Variants in ZER1 observed in about 807,000 individuals in gnomAD.
ZER1 encodes the protein zyg-11 related cell cycle regulator.
A neutral mutation model predicts 78.8 loss-of-function variants in ZER1; 11 were observed. The ratio of observed to expected loss-of-function variants is 0.14; its 90% CI spans 0.09 to 0.23. The LOEUF is 0.23. Ranked by LOEUF, ZER1 falls within the 10% of genes least tolerant of loss-of-function variation. The pLI, the probability that ZER1 is intolerant of heterozygous loss-of-function variation, is 1.00. For missense variants in ZER1, 588 were observed against 996.9 expected, an observed-to-expected ratio of 0.59 and a Z score of 5.52; for synonymous variants, 400 against 407.0, an observed-to-expected ratio of 0.98 and a Z score of 0.21.
intron 1 of ZER1, among the ~76,000 whole-genome samples, chr9:128,764,042 A>C (rs1158936119): frequency 1.3e-5 from 2 of 151,992 alleles, no homozygotes; most frequent in Non-Finnish European, 2.9e-5. Context: ...GTCCTAGTTA[A>C]CTCTGGTGGA....
At chr9:128,748,357 G>A (rs1207613533) in intron 8 of ZER1, among the ~76,000 whole-genome samples, 1 of 149,172 alleles carries the variant, frequency 6.7e-6, no homozygotes, top group African/African-American at 2.5e-5. Flanking sequence ...AGCCGAGATC[G>A]TGCCACTTAA....
At chr9:128,768,306 C>T (rs2132496254) in intron 1 of ZER1, among the ~76,000 whole-genome samples, 1 of 152,228 alleles carries the variant, frequency 6.6e-6, no homozygotes, top group South Asian at 2.1e-4. Flanking sequence ...TAGTGGGCCC[C>T]CAAAACGTGT....
At chr9:128,765,745 G>C (rs887004094) in intron 1 of ZER1, among the ~76,000 whole-genome samples, 6 of 152,186 alleles carry the variant, frequency 3.9e-5, no homozygotes, top group Non-Finnish European at 7.3e-5. Context: ...GCAGATCAAG[G>C]GCCAGAGACT....
chr9:128,750,655 C>T lies in ZER1; in HGVS notation c.1320G>A (p.Gln440=). 6.2e-7 allele frequency: 1 copy of T among 1,614,228 alleles called. No homozygotes were observed. Residue 440 remains glutamine, a synonymous_variant, in exon 8 of 16, where the codon CAG becomes CAA. Coordinates refer to ENST00000291900, the MANE Select transcript of ZER1 (RefSeq NM_006336.4). ...QSVKLRRQVI[Q]VVLNGMESYQ... is the part of the protein sequence containing the mutation. ...AGGATTCCATGCCATTCAGCACCAC[C>T]TGGATAACCTGCCGGCGCAGCTTCA...
chr9:128,735,127 T>C (rs1035825683), intron 14 of ZER1, among the ~76,000 whole-genome samples: 1 of 152,238 alleles, frequency 6.6e-6, no homozygotes, highest in Non-Finnish European at 1.5e-5. Context: ...CACAGGTATT[T>C]CGCCTGCCAG....
At chr9:128,743,120 TTTC>T (rs1211853544) in intron 8 of ZER1, among the ~76,000 whole-genome samples, 6 of 150,906 alleles carry the variant, frequency 4.0e-5, no homozygotes, top group South Asian at 4.2e-4. Flanking sequence ...TTTCTTTTTC[TTTC>T]TTTTTTTTTT....
At position 128,751,452 on chromosome 9, in the gene ZER1, C is replaced by T; in HGVS notation, c.999G>A (p.Glu333=). The T allele has an allele frequency of 6.2e-7, 1 of 1,614,136 alleles. No homozygotes were observed. The highest frequency in any genetic ancestry group is 8.5e-7 in the Non-Finnish European group (1 of 1,180,036). Residue 333 remains glutamate (E), a synonymous_variant, in exon 6 of 16, where the codon GAG becomes GAA. Transcript: ENST00000291900. The surrounding 1 kb of genome is among the most constrained non-coding windows in gnomAD (Gnocchi z 5.4). ...TGTGCGTGAGGCGGCACAGAGAGTT[C>T]TCAAAGAGCCCGAGGAACTGCAGCG... ...KRPLQFLGLF[E]NSLCRLTHIP...
chr9:128,736,141 G>A (rs1863070645), intron 13 of ZER1, among the ~76,000 whole-genome samples: 2 of 151,678 alleles, frequency 1.3e-5, no homozygotes, highest in South Asian at 2.1e-4. Flanking sequence ...TAGTAGAGAC[G>A]GGGTTTCACC....
chr9:128,770,457 G>A (rs1281758177), intron 1 of ZER1, among the ~76,000 whole-genome samples: 1 of 152,064 alleles, frequency 6.6e-6, no homozygotes, highest in African/African-American at 2.4e-5. Flanking sequence ...ATGACCACAG[G>A]ACCTTTGCAT....
chr9:128,736,393 CTTTG>C (rs1347904807), intron 13 of ZER1, among the ~76,000 whole-genome samples: 2 of 132,750 alleles, frequency 1.5e-5, no homozygotes, highest in African/African-American at 5.6e-5. Context: ...GCCCTTTTTT[CTTTG>C]TTTTTTTTTT....
rs922816558 is a variant in ZER1 at position 128,740,318 on chromosome 9, G to A, written c.1854-199C>T. 7.9e-5 allele frequency among the ~76,000 whole-genome samples: 12 copies of A among 152,164 alleles called. No individual in the cohort carries two copies. The highest frequency in any genetic ancestry group is 1.3e-4 in the Admixed American group (2 of 15,262). ...TTACAGGCTGGGCGCAGTGGCTCAC[G>A]CCTGTAATCCCAGCACTTTGGGAGG... On this transcript the variant is annotated intron_variant, in intron 12 of 15. Transcript: ENST00000291900. This position sits in a 1 kb window ranked among gnomAD's most constrained non-coding sequence, Gnocchi z 4.4.
rs35174986 is a variant in ZER1, at chr9:128,743,893, CTTTTT to C, written c.1360-1153_1360-1149del. ...TTACAGGCGCCTCCAATGGCCCCTG[CTTTTT>C]TTTTTTTTTTTTTTTTTTGAGATGG... On this transcript the variant is annotated intron_variant, in intron 8 of 15. Coordinates refer to ENST00000291900, the MANE Select transcript of ZER1 (RefSeq NM_006336.4). Among the ~76,000 whole-genome samples, 6 of 38,506 alleles carry C rather than the reference CTTTTT, an allele frequency of 1.6e-4. No homozygotes were observed. The East Asian group carries it at 3.4e-3, about 22-fold the overall frequency. 25.3% of individuals were successfully genotyped at this position (38,506 alleles called of 152,430 possible).
chr9:128,749,912 G>A (rs569939167), intron 8 of ZER1, among the ~76,000 whole-genome samples: 28 of 151,606 alleles, frequency 1.8e-4, no homozygotes, highest in Non-Finnish European at 2.5e-4. Context: ...GCATGGTGGC[G>A]CATGCCTGTA....
At position 128,738,211 on chromosome 9, in the gene ZER1, A is replaced by AT. The variant is rs1276837367; in HGVS notation, c.2042+1719dup. Among the ~76,000 whole-genome samples the AT allele has an allele frequency of 2.1e-5, 3 of 139,892 alleles. No individual in the cohort carries two copies. The East Asian group carries it at 6.5e-4, about 30-fold the overall frequency. The allele number at this position is 139,892 out of a possible 152,430, so 91.8% of individuals were successfully genotyped here. On this transcript the variant is annotated intron_variant, in intron 13 of 15. Transcript: ENST00000291900. ...AGGCGCATGCCACCACGCCCGGCTA[A>AT]TTTTTTGTATTTTTAGTAGAGGTGG...
intron 14 of ZER1, among the ~76,000 whole-genome samples, chr9:128,734,196 T>C (rs1300009882): frequency 1.0e-5 from 1 of 99,604 alleles, no homozygotes; most frequent in African/African-American, 3.2e-5. Context: ...ATATATATAA[T>C]AGATATAATT....
intron 5 of ZER1, among the ~76,000 whole-genome samples, chr9:128,752,430 C>G (rs995027792): frequency 1.3e-5 from 2 of 152,084 alleles, no homozygotes; most frequent in African/African-American, 4.8e-5. Flanking sequence ...CTTCAATTCT[C>G]ATACCTTAGC....
chr9:128,751,026 C>T lies in ZER1; in HGVS notation c.1185+96G>A, dbSNP rs1272634059. 4 of 1,488,786 alleles carry T rather than the reference C, an allele frequency of 2.7e-6. No homozygotes were observed. Among genetic ancestry groups the T allele is most frequent in the Non-Finnish European group, 3.6e-6 (4 of 1,120,290 alleles). 92.2% of individuals were successfully genotyped at this position (1,488,786 alleles called of 1,614,324 possible). The stretch of plus-strand genomic sequence containing the variant: ...GTCCTGGGGCCCTGGGGACAGGGTG[C>T]AGAAGGACACAGGCTCTGGGGACAC... On this transcript the variant is annotated intron_variant, in intron 7 of 15. Transcript: ENST00000291900. The surrounding 1 kb of genome is among the most constrained non-coding windows in gnomAD (Gnocchi z 5.4).
intron 7 of ZER1, 120 bp from the exon 8 acceptor site, chr9:128,750,909 A>G: frequency 6.8e-7 from 1 of 1,474,582 alleles, no homozygotes; most frequent in South Asian, 1.3e-5. Flanking sequence ...TAAAGGCAGA[A>G]GTGGGGCCTG....
chr9:128,753,639 G>T lies in ZER1; in HGVS notation c.310-39C>A, dbSNP rs771535659. 4 of 1,599,718 alleles carry T rather than the reference G, an allele frequency of 2.5e-6. No individual in the cohort carries two copies. In the South Asian group the frequency reaches 3.3e-5, roughly 13 times the overall value. ...CAGCTCCATCATCATCACCACCCTT[G>T]CCCCTTCCCCCGGCCCCAGGCCTTG... On this transcript the variant is annotated intron_variant, in intron 3 of 15. Transcript: ENST00000291900. The surrounding 1 kb of genome is among the most constrained non-coding windows in gnomAD (Gnocchi z 7.5).
Sources: gnomAD v4.1 joint callset for allele counts (sites outside exome capture counted in the v4.1 genomes callset) on GRCh38, gnomAD v4.1.1 for gene constraint, Gnocchi (gnomAD v3.1) non-coding constraint, MANE v1.5 for transcripts, NCBI Gene and HGNC (gene_info 2026-07-23, HGNC 2026-07-21) for gene names.